Variants in ZNF66 observed in about 807,000 individuals in gnomAD.
ZNF66 encodes the protein putative zinc finger protein 66.
Under a neutral mutation model 35.2 loss-of-function variants are expected in ZNF66, and 32 were observed. That is an observed-to-expected ratio of 0.91 (90% confidence interval 0.69 to 1.22). ZNF66 has a LOEUF of 1.22. Ranked by LOEUF, ZNF66 falls within the 50% of genes most tolerant of loss-of-function variation. The probability of loss-of-function intolerance (pLI) is 0.00; values close to 1 mark genes in which losing one functional copy is unlikely to be tolerated. For synonymous variants in ZNF66, 231 were observed against 181.3 expected (o/e 1.27, Z -2.20); for missense variants, 666 against 543.1 (o/e 1.23, Z -2.25).
At chr19:20,805,107 TTGTG>T (rs59765897) in intron 3 of ZNF66, among the ~76,000 whole-genome samples, 17 of 147,922 alleles carry the variant, frequency 1.1e-4, no homozygotes, top group East Asian at 3.9e-4. Flanking sequence ...CAATTTACAT[TTGTG>T]TGTGTGTGTG....
intron 3 of ZNF66, among the ~76,000 whole-genome samples, chr19:20,802,999 TCTTA>T (rs1223071342): frequency 4.1e-5 from 6 of 146,880 alleles, no homozygotes; most frequent in African/African-American, 1.0e-4. Flanking sequence ...TATGACATTT[TCTTA>T]CTTAAGATGC....
intron 3 of ZNF66, among the ~76,000 whole-genome samples, chr19:20,805,134 A>T (rs537119971): frequency 0.01 from 1,536 of 147,606 alleles, 20 homozygotes; most frequent in African/African-American, 0.038. Context: ...TGTGAGAGAG[A>T]GAGAGAGAGA....
chr19:20,781,881 T>C (rs1971248774), intron 1 of ZNF66, among the ~76,000 whole-genome samples: 1 of 152,060 alleles, frequency 6.6e-6, no homozygotes, highest in South Asian at 2.1e-4. Context: ...TTTTTTTTAA[T>C]GGCCACAGAG....
At chr19:20,781,353 C>A (rs1471238844) in intron 1 of ZNF66, among the ~76,000 whole-genome samples, 1 of 152,144 alleles carries the variant, frequency 6.6e-6, no homozygotes, top group Non-Finnish European at 1.5e-5. Context: ...TAGCACCAAA[C>A]AGGTATGTTT....
rs759797562 is a variant in ZNF66, at chr19:20,809,109, T to C, written c.*1787T>C. Among the ~76,000 whole-genome samples the C allele has an allele frequency of 6.6e-6, 1 of 151,294 alleles. No individual in the cohort carries two copies. Among genetic ancestry groups the C allele is most frequent in the Non-Finnish European group, 1.5e-5 (1 of 67,874 alleles). ...GTGATGGAAGATGAAATGAATGAAA[T>C]GAAGTGAGAAGGGAAGTTTAGAGAA... On this transcript the variant is annotated 3_prime_UTR_variant, in exon 4 of 4. Coordinates refer to ENST00000344519, the MANE Select transcript of ZNF66 (RefSeq NM_001355197.2).
rs891483282 is a variant in ZNF66, at chr19:20,806,981, G to T, written c.1381G>T (p.Ala461Ser). ...KPYECEDCGK[A>S]FNRSSNLTKH... Reference sequence around the variant, plus strand: ...CTACGAATGTGAAGACTGTGGCAAAGCCTTTAACCGCTCCTCTAACCTTAC... The same window carrying T: ...CTACGAATGTGAAGACTGTGGCAAATCCTTTAACCGCTCCTCTAACCTTAC... The change falls in exon 4 of 4, where the codon GCC becomes TCC. Residue 461 changes from alanine (A) to serine (S), a missense_variant. Physicochemically the swap from Ala to Ser is moderately conservative, Grantham distance 99. Transcript: ENST00000344519. 5.9e-6 allele frequency: 6 copies of T among 1,013,902 alleles called. No homozygotes were observed. The highest frequency in any genetic ancestry group is 9.4e-6 in the Non-Finnish European group (6 of 635,352). 62.8% of individuals were successfully genotyped at this position (1,013,902 alleles called of 1,614,324 possible).
In ZNF66 at chr19:20,808,976, G is replaced by A. The variant is rs1210744977; in HGVS notation, c.*1654G>A. On this transcript the variant is annotated 3_prime_UTR_variant, in exon 4 of 4. Transcript: ENST00000344519. ...ATGTATAACTAGAATAACCAATGCA[G>A]AGAAATGCTTAAAGGAGCTGATGGA... Among the ~76,000 whole-genome samples, 1 of 152,036 alleles carries A rather than the reference G, an allele frequency of 6.6e-6. No individual in the cohort carries two copies.
At chr19:20,797,989 A>G (rs1322898881) in intron 3 of ZNF66, among the ~76,000 whole-genome samples, 3 of 152,136 alleles carry the variant, frequency 2.0e-5, no homozygotes, top group African/African-American at 7.2e-5. Context: ...TAAATTATGC[A>G]TGTCTGTCAC....
intron 1 of ZNF66, among the ~76,000 whole-genome samples, chr19:20,778,841 G>A (rs1971219758): frequency 3.3e-5 from 5 of 151,062 alleles, no homozygotes; most frequent in South Asian, 2.1e-4. Context: ...TAAACACTGC[G>A]TTTGAGTAAT....
intron 1 of ZNF66, among the ~76,000 whole-genome samples, chr19:20,776,671 G>A (rs1352564711): frequency 3.3e-5 from 5 of 152,208 alleles, no homozygotes; most frequent in African/African-American, 4.8e-5. Flanking sequence ...AGCGCTCTGT[G>A]GGCAGCTCTG....
intron 1 of ZNF66, among the ~76,000 whole-genome samples, chr19:20,791,485 CAAAAAAAAA>C (rs35269524): frequency 8.7e-5 from 5 of 57,338 alleles, no homozygotes; most frequent in African/African-American, 2.7e-4. Context: ...GACTTAATCT[CAAAAAAAAA>C]AAAAAAAAAA....
rs1048248498 is a variant in ZNF66 at position 20,793,331 on chromosome 19, TC to T, written c.131-451del. Among the ~76,000 whole-genome samples, 363 of 124,224 alleles carry T rather than the reference TC, an allele frequency of 2.9e-3. 1 individual carries two copies. Among genetic ancestry groups the T allele is most frequent in the Middle Eastern group, 7.6e-3 (2 of 262 alleles). 81.5% of individuals were successfully genotyped at this position (124,224 alleles called of 152,430 possible). On this transcript the variant is annotated intron_variant, in intron 2 of 3. Coordinates refer to ENST00000344519, the MANE Select transcript of ZNF66 (RefSeq NM_001355197.2). ...TCTTTTCTTTTCTTTTCTTTTCTTT[TC>T]TTTTTTTTTTTTTTTTGAGACAGAG...
chr19:20,791,718 G>A (rs1330724192), intron 1 of ZNF66, among the ~76,000 whole-genome samples: 1 of 151,652 alleles, frequency 6.6e-6, no homozygotes, highest in African/African-American at 2.4e-5. Context: ...TTTTAAAAAG[G>A]AATATTTCAA....
chr19:20,776,512 C>A, intron 1 of ZNF66, 62 bp downstream of exon 1: 1 of 1,488,996 alleles, frequency 6.7e-7, no homozygotes. Context: ...CTCAGGCCTC[C>A]CCTCAGTCAG....
chr19:20,778,818 T>G (rs1971219497), intron 1 of ZNF66, among the ~76,000 whole-genome samples: 1 of 152,072 alleles, frequency 6.6e-6, no homozygotes, highest in Admixed American at 6.6e-5. Context: ...CCTTAAAATT[T>G]CCTTCCCTTA....
At position 20,806,794 on chromosome 19, in the gene ZNF66, A is replaced by G; in HGVS notation, c.1194A>G (p.Lys398=). Residue 398 remains lysine, a synonymous_variant, in exon 4 of 4, where the codon AAA becomes AAG. Coordinates refer to ENST00000344519, the MANE Select transcript of ZNF66 (RefSeq NM_001355197.2). ...KIIHTGKKPY[K]CEECGKVFKH... Reference sequence around the variant, plus strand: ...TTCATACTGGAAAGAAACCTTACAAATGTGAAGAATGTGGCAAAGTGTTTA... The same window carrying G: ...TTCATACTGGAAAGAAACCTTACAAGTGTGAAGAATGTGGCAAAGTGTTTA... 7.7e-7 allele frequency: 1 copy of G among 1,305,848 alleles called. No individual in the cohort carries two copies. Among genetic ancestry groups the G allele is most frequent in the Middle Eastern group, 1.9e-4 (1 of 5,388 alleles). The allele number at this position is 1,305,848 out of a possible 1,614,324, so 80.9% of individuals were successfully genotyped here.
chr19:20,786,214 C>T (rs892699257), intron 1 of ZNF66, among the ~76,000 whole-genome samples: 2 of 152,208 alleles, frequency 1.3e-5, no homozygotes, highest in East Asian at 1.9e-4. Flanking sequence ...GCAAAGTGCA[C>T]GCTGTCCCCT....
chr19:20,785,552 A>C lies in ZNF66; in HGVS notation c.4-6960A>C, dbSNP rs537772922. Among the ~76,000 whole-genome samples, 10 of 152,224 alleles carry C rather than the reference A, an allele frequency of 6.6e-5. No individual in the cohort carries two copies. In the East Asian group the frequency reaches 1.9e-3, roughly 29 times the overall value. On this transcript the variant is annotated intron_variant, in intron 1 of 3. Transcript: ENST00000344519. ...GAACTATGTGTGACATGGTGCTATA[A>C]ATTCTTCTACTTGTGGACTAATTAT...
chr19:20,777,423 A>G (rs1971205378), intron 1 of ZNF66, among the ~76,000 whole-genome samples: 1 of 147,134 alleles, frequency 6.8e-6, no homozygotes. Context: ...CTAATGTAGT[A>G]ATTTGCCAAA....
Sources: gnomAD v4.1 joint callset for allele counts (sites outside exome capture counted in the v4.1 genomes callset) on GRCh38, gnomAD v4.1.1 for gene constraint, MANE v1.5 for transcripts, NCBI Gene and HGNC (gene_info 2026-07-23, HGNC 2026-07-21) for gene names.